Variants in DIP2C observed in about 807,000 individuals in gnomAD.
DIP2C encodes disco-interacting protein 2 homolog C.
Under a neutral mutation model 192.4 loss-of-function variants are expected in DIP2C, and 33 were observed. That is an observed-to-expected ratio of 0.17 (90% CI 0.13 to 0.23). The LOEUF (loss-of-function observed/expected upper bound fraction) is 0.23. Ranked by LOEUF, DIP2C falls within the 10% of genes least tolerant of loss-of-function variation. The pLI is 1.00. For synonymous variants in DIP2C, 979 were observed against 864.1 expected (o/e 1.13, Z -2.33); for missense variants, 1,537 against 2,110.1 (o/e 0.73, Z 5.32).
At chr10:457,747 G>A (rs955521945) in intron 3 of DIP2C, among the ~76,000 whole-genome samples, 1 of 143,060 alleles carries the variant, frequency 7.0e-6, no homozygotes, top group African/African-American at 3.0e-5. Flanking sequence ...GTAGAGATGG[G>A]CTCTGACTTT....
At position 629,302 on chromosome 10, in the gene DIP2C, C is replaced by T. The variant is rs1392595437; in HGVS notation, c.85+60192G>A. On this transcript the variant is annotated intron_variant, in intron 1 of 36. Transcript: ENST00000280886. ...TGAGGACAAAACTGCTCCAGAGCCA[C>T]ACAGAACCAAGATCCGGGCCAACTC... is the stretch of plus-strand genomic sequence containing the variant. Among the ~76,000 whole-genome samples, 4 of 152,258 alleles carry T rather than the reference C, an allele frequency of 2.6e-5. No homozygotes were observed. The East Asian group carries it at 7.8e-4, about 30-fold the overall frequency.
rs544541880 is a variant in DIP2C, at chr10:345,228, T to C, written c.3232-118A>G. On this transcript the variant is annotated intron_variant, in intron 26 of 36. Coordinates refer to ENST00000280886, the MANE Select transcript of DIP2C (RefSeq NM_014974.3). ...AAACCATGTAGCTTTAACGGGCAGATGAGGTTACCGAGCCCTCCTGCTGGC... is the reference window on the plus strand; with the variant it reads ...AAACCATGTAGCTTTAACGGGCAGACGAGGTTACCGAGCCCTCCTGCTGGC... 2.1e-5 allele frequency: 22 copies of C among 1,037,592 alleles called. No individual in the cohort carries two copies. The East Asian group carries it at 5.4e-4, about 26-fold the overall frequency. 64.3% of individuals were successfully genotyped at this position (1,037,592 alleles called of 1,614,324 possible).
intron 1 of DIP2C, among the ~76,000 whole-genome samples, chr10:647,703 G>A (rs1029443412): frequency 2.0e-5 from 3 of 146,844 alleles, no homozygotes; most frequent in African/African-American, 5.1e-5. Context: ...CTGAGCCCAC[G>A]TCCACACTGG....
chr10:390,982 C>T, intron 10 of DIP2C, 119 bp from the exon 11 acceptor site: 1 of 1,430,806 alleles, frequency 7.0e-7, no homozygotes, highest in Non-Finnish European at 9.4e-7. Flanking sequence ...ATCCAACCCC[C>T]AGCCCTGCTG....
chr10:372,869 G>A (rs1028503748), intron 17 of DIP2C, among the ~76,000 whole-genome samples: 3 of 151,888 alleles, frequency 2.0e-5, no homozygotes, highest in Non-Finnish European at 2.9e-5. Context: ...CCCCACAGAC[G>A]TGGTGTTTGG....
chr10:533,233 G>C (rs1390396269), intron 1 of DIP2C, among the ~76,000 whole-genome samples: 1 of 152,100 alleles, frequency 6.6e-6, no homozygotes, highest in Non-Finnish European at 1.5e-5. Context: ...AAGAAAGAAG[G>C]GTGGAAAACA....
rs139020216 is a variant in DIP2C, at chr10:571,056, G to A, written c.86-84526C>T. Among the ~76,000 whole-genome samples, 795 of 152,332 alleles carry A rather than the reference G, an allele frequency of 5.2e-3. 10 individuals carry two copies. The highest frequency in any genetic ancestry group is 0.018 in the African/African-American group (748 of 41,578). On this transcript the variant is annotated intron_variant, in intron 1 of 36. Transcript: ENST00000280886. ...TGGACCGGCACTGGCCTAACGACAC[G>A]AGAGTGGTGCCCCCACAATTACAGG...
At chr10:593,723 G>A (rs1320040360) in intron 1 of DIP2C, among the ~76,000 whole-genome samples, 1 of 152,160 alleles carries the variant, frequency 6.6e-6, no homozygotes, top group African/African-American at 2.4e-5. Context: ...AAGTGCTGAA[G>A]AAATAAAACC....
intron 4 of DIP2C, chr10:430,607 C>G (rs995124076): frequency 1.3e-5 from 2 of 152,224 alleles, no homozygotes; most frequent in African/African-American, 4.8e-5. Flanking sequence ...TTGCAAACAT[C>G]CTCTCCCTGT....
chr10:418,235 C>CCCTGTCCACCTGCACCTGTCAGGGCGCG (rs1965922232), intron 6 of DIP2C, among the ~76,000 whole-genome samples: 1 of 110,028 alleles, frequency 9.1e-6, no homozygotes, highest in African/African-American at 4.1e-5. Context: ...GTCAGGGCTT[C>CCCTGTCCACCTGCACCTGTCAGGGCGCG]GATAGGCCTC....
intron 19 of DIP2C, among the ~76,000 whole-genome samples, chr10:365,518 C>T (rs941271457): frequency 1.3e-5 from 2 of 152,208 alleles, no homozygotes; most frequent in Non-Finnish European, 2.9e-5. Context: ...GCCTGAGTGA[C>T]AGAGCAAGAC....
intron 14 of DIP2C, among the ~76,000 whole-genome samples, chr10:386,292 G>A (rs1483315856): frequency 3.3e-5 from 5 of 152,324 alleles, no homozygotes; most frequent in African/African-American, 7.2e-5. Flanking sequence ...AAATAGGATC[G>A]TCGTTCCATT....
chr10:428,994 T>C (rs971289994), intron 4 of DIP2C, among the ~76,000 whole-genome samples: 9 of 152,092 alleles, frequency 5.9e-5, no homozygotes, highest in African/African-American at 2.2e-4. Flanking sequence ...ATCATCAACA[T>C]TGCCTACCAG....
chr10:628,135 G>A (rs1213784667), intron 1 of DIP2C, among the ~76,000 whole-genome samples: 1 of 152,196 alleles, frequency 6.6e-6, no homozygotes, highest in South Asian at 2.1e-4. Context: ...GGCACAGAAC[G>A]TGGCAGGAAA....
intron 32 of DIP2C, among the ~76,000 whole-genome samples, chr10:299,800 A>G (rs943141048): frequency 2.6e-5 from 4 of 152,236 alleles, no homozygotes; most frequent in African/African-American, 9.6e-5. Context: ...AATAGCCAAA[A>G]AAAACTAAAT....
At chr10:455,334 G>GGAGTAAATGAGATGAAAACACTCTGCGGT (rs1303062708) in intron 3 of DIP2C, among the ~76,000 whole-genome samples, 1 of 140,386 alleles carries the variant, frequency 7.1e-6, no homozygotes, top group Non-Finnish European at 1.6e-5. Context: ...GAGACCGTGA[G>GGAGTAAATGAGATGAAAACACTCTGCGGT]GAATAAATGA....
At chr10:656,171 T>TTACACTGTTTCTTCTATTCTATGC (rs1856305707) in intron 1 of DIP2C, among the ~76,000 whole-genome samples, 1 of 19,106 alleles carries the variant, frequency 5.2e-5, no homozygotes, top group Non-Finnish European at 1.1e-4. Flanking sequence ...CTATTCTATG[T>TTACACTGTTTCTTCTATTCTATGC]TACCCTATAT....
chr10:367,295 T>A (rs975832637), intron 18 of DIP2C, among the ~76,000 whole-genome samples: 1 of 151,720 alleles, frequency 6.6e-6, no homozygotes, highest in Non-Finnish European at 1.5e-5. Flanking sequence ...CGGGCGCCTG[T>A]AGTCCCAGCT....
In DIP2C at chr10:344,895, C is replaced by G; in HGVS notation, c.3367G>C (p.Ala1123Pro). 1 of 1,607,332 alleles carries G rather than the reference C, an allele frequency of 6.2e-7. No individual in the cohort carries two copies. Among genetic ancestry groups the G allele is most frequent in the Non-Finnish European group, 8.5e-7 (1 of 1,177,810 alleles). ...DTDDLPKKRP[A>P]QICKPCNPDT... ...GGGTTGCAAGGTTTGCAGATCTGGG[C>G]AGGCCGCTTCTTTGGCAAATCATCT... The change falls in exon 28 of 37, where the codon GCC becomes CCC. Residue 1123 changes from alanine to proline, a missense_variant. By Grantham distance (27) the Ala-to-Pro change is conservative. Transcript: ENST00000280886.
Sources: gnomAD v4.1 joint callset for allele counts (sites outside exome capture counted in the v4.1 genomes callset) on GRCh38, gnomAD v4.1.1 for gene constraint, MANE v1.5 for transcripts, NCBI Gene and HGNC (gene_info 2026-07-23, HGNC 2026-07-21) for gene names.